The following NRXN1 variants were observed in gnomAD, a reference collection of about 807,000 sequenced individuals.
NRXN1 encodes neurexin 1, also known as neurexin-1.
NRXN1 carries 39 observed loss-of-function variants against 150.9 expected under a neutral mutation model. The observed-to-expected ratio is 0.26, with a 90% CI of 0.20 to 0.34. NRXN1 has a LOEUF of 0.34. Ranked by LOEUF, NRXN1 falls within the 10% of genes least tolerant of loss-of-function variation. The pLI is 1.00. For missense variants in NRXN1, 1,815 were observed against 1,949.9 expected, an observed-to-expected ratio of 0.93 and a Z score of 1.30; for synonymous variants, 924 against 757.0, an observed-to-expected ratio of 1.22 and a Z score of -3.62.
At chr2:50,836,653 T>TC (rs1490082451) in intron 5 of NRXN1, among the ~76,000 whole-genome samples, 2 of 152,126 alleles carry the variant, frequency 1.3e-5, no homozygotes, top group Admixed American at 6.6e-5. Context: ...CAGGATTTCC[T>TC]CCCCTTTTAA....
At chr2:50,869,731 C>G (rs915652594) in intron 5 of NRXN1, among the ~76,000 whole-genome samples, 2 of 151,762 alleles carry the variant, frequency 1.3e-5, no homozygotes, top group African/African-American at 2.4e-5. Context: ...TTTTGAATTA[C>G]ATTAAGCCAA....
chr2:50,093,125 T>A (rs374655318), intron 18 of NRXN1, among the ~76,000 whole-genome samples: 1 of 150,618 alleles, frequency 6.6e-6, no homozygotes, highest in Non-Finnish European at 1.5e-5. Flanking sequence ...TAAAAAAAAA[T>A]CTTTAAAAAA....
At chr2:50,214,670 G>T (rs62133083) in intron 18 of NRXN1, among the ~76,000 whole-genome samples, 18,936 of 151,842 alleles carry the variant, frequency 0.12, 1,281 homozygotes, top group South Asian at 0.16. Context: ...TTTCTAAGGA[G>T]TTTACTGATA....
At chr2:50,784,082 A>G (rs1704735415) in intron 5 of NRXN1, among the ~76,000 whole-genome samples, 1 of 152,144 alleles carries the variant, frequency 6.6e-6, no homozygotes, top group Non-Finnish European at 1.5e-5. Context: ...TTGTTAGTTA[A>G]AAGTATATCT....
chr2:50,031,567 T>G (rs1266249179), intron 21 of NRXN1, among the ~76,000 whole-genome samples: 1 of 152,102 alleles, frequency 6.6e-6, no homozygotes, highest in African/African-American at 2.4e-5. Flanking sequence ...TTTAACATGA[T>G]GAAGTTGAAA....
intron 17 of NRXN1, among the ~76,000 whole-genome samples, chr2:50,357,310 T>TTATTTATTTATTTA (rs1558590772): frequency 3.0e-5 from 3 of 101,292 alleles, no homozygotes; most frequent in African/African-American, 1.1e-4. Context: ...TTATTTTTTT[T>TTATTTATTTATTTA]TTTATTTATT....
At chr2:50,277,328 C>A (rs1298337094) in intron 17 of NRXN1, among the ~76,000 whole-genome samples, 3 of 133,684 alleles carry the variant, frequency 2.2e-5, no homozygotes, top group African/African-American at 8.1e-5. Context: ...TGCTGGCTTT[C>A]CTAACAATGT....
chr2:50,874,057 G>A (rs753187951), intron 5 of NRXN1, among the ~76,000 whole-genome samples: 2 of 151,746 alleles, frequency 1.3e-5, no homozygotes, highest in Non-Finnish European at 2.9e-5. Context: ...TAGTATTTTG[G>A]CACACTGCAC....
chr2:50,054,918 TA>T, intron 20 of NRXN1, 36 bp downstream of exon 20: 1 of 1,352,896 alleles, frequency 7.4e-7, no homozygotes, highest in South Asian at 1.4e-5. Context: ...ATGTTCAAAT[TA>T]TTTTTTTATT....
At chr2:50,557,660 G>A (rs1361715051) in intron 8 of NRXN1, among the ~76,000 whole-genome samples, 1 of 152,130 alleles carries the variant, frequency 6.6e-6, no homozygotes, top group Admixed American at 6.5e-5. Flanking sequence ...TAGTTAAAGT[G>A]CTAATAATGG....
At position 50,322,624 on chromosome 2, in the gene NRXN1, C is replaced by T. The variant is rs564214685; in HGVS notation, c.3365-85654G>A. Among the ~76,000 whole-genome samples the T allele has an allele frequency of 5.3e-5, 8 of 152,252 alleles. No individual in the cohort carries two copies. The East Asian group carries it at 5.8e-4, about 11-fold the overall frequency. ...TAGAGACAGAATATGAATTTAAATA[C>T]GCATTCATTCCTTGCCTTCACCAAG... On this transcript the variant is annotated intron_variant, in intron 17 of 22. Transcript: ENST00000401669.
At chr2:49,950,808 A>C (rs754301721) in intron 21 of NRXN1, among the ~76,000 whole-genome samples, 15 of 151,970 alleles carry the variant, frequency 9.9e-5, no homozygotes, top group Non-Finnish European at 1.5e-5. Flanking sequence ...ACCCAATTTG[A>C]ATGTGTGAAC....
At chr2:50,755,730 T>G (rs897651184) in intron 5 of NRXN1, among the ~76,000 whole-genome samples, 1 of 151,864 alleles carries the variant, frequency 6.6e-6, no homozygotes, top group African/African-American at 2.4e-5. Flanking sequence ...ACTTTACATT[T>G]AAACTAACAA....
intron 5 of NRXN1, among the ~76,000 whole-genome samples, chr2:50,821,746 G>T (rs145363105): frequency 6.6e-6 from 1 of 151,986 alleles, no homozygotes; most frequent in Non-Finnish European, 1.5e-5. Flanking sequence ...CGTGAAAAAA[G>T]AATTTAAGAA....
In NRXN1 at chr2:50,417,770, GA is replaced by G. The variant is rs374082957; in HGVS notation, c.3364+47671del. Reference sequence around the variant, plus strand: ...GCCTGGAAAAAGAGTAAAAATTAAAGAAACAAAGAAGAAATGTACTGAAAAA... The same window carrying G: ...GCCTGGAAAAAGAGTAAAAATTAAAGAACAAAGAAGAAATGTACTGAAAAA... On this transcript the variant is annotated intron_variant, in intron 17 of 22. Transcript: ENST00000401669. Among the ~76,000 whole-genome samples, 26 of 151,888 alleles carry G rather than the reference GA, an allele frequency of 1.7e-4. No homozygotes were observed. In the East Asian group the frequency reaches 3.5e-3, roughly 20 times the overall value.
At position 50,468,530 on chromosome 2, in the gene NRXN1, C is replaced by A. The variant is rs192912379; in HGVS notation, c.3245-2969G>T. Among the ~76,000 whole-genome samples the A allele has an allele frequency of 2.0e-5, 3 of 151,130 alleles. No individual in the cohort carries two copies. In the East Asian group the frequency reaches 5.8e-4, roughly 29 times the overall value. On this transcript the variant is annotated intron_variant, in intron 16 of 22. Coordinates refer to ENST00000401669, the MANE Select transcript of NRXN1 (RefSeq NM_001330078.2). Reference sequence around the variant, plus strand: ...TTATGTAATATTATCTTTATTTTATCACTGAATAAAATTAGGAAAAAGCTA... The same window carrying A: ...TTATGTAATATTATCTTTATTTTATAACTGAATAAAATTAGGAAAAAGCTA...
At chr2:51,014,356 T>C (rs2105220478) in intron 2 of NRXN1, among the ~76,000 whole-genome samples, 1 of 152,164 alleles carries the variant, frequency 6.6e-6, no homozygotes, top group African/African-American at 2.4e-5. Flanking sequence ...CTTAGGCAGA[T>C]AAAGATAATT....
intron 7 of NRXN1, among the ~76,000 whole-genome samples, chr2:50,620,744 G>T (rs542919309): frequency 7.2e-5 from 11 of 152,232 alleles, no homozygotes; most frequent in South Asian, 2.1e-4. Context: ...GCACATGCAG[G>T]AGGTACAGTA....
chr2:50,014,054 A>G (rs992883975), intron 21 of NRXN1, among the ~76,000 whole-genome samples: 1 of 151,950 alleles, frequency 6.6e-6, no homozygotes, highest in African/African-American at 2.4e-5. Context: ...AAAGTATAGC[A>G]CTAGAGATAG....
Sources: allele counts gnomAD v4.1 joint callset (sites outside exome capture counted in the v4.1 genomes callset), GRCh38; gene constraint gnomAD v4.1.1; transcripts MANE v1.5; gene names NCBI Gene and HGNC (gene_info 2026-07-23, HGNC 2026-07-21).